The following POT1 variants were observed in gnomAD, a reference collection of about 807,000 sequenced individuals.
POT1 encodes protection of telomeres protein 1.
In POT1, 47 loss-of-function variants were observed where a neutral mutation model predicts 78.5. The observed-to-expected ratio is 0.60, with a 90% CI of 0.47 to 0.76. The LOEUF is 0.76. Among genes scored for constraint, POT1 ranks in the 30% least tolerant of loss-of-function variants. The pLI is 0.00. For synonymous variants in POT1, 259 were observed against 260.7 expected, an observed-to-expected ratio of 0.99 and a Z score of 0.06; for missense variants, 646 against 749.9, an observed-to-expected ratio of 0.86 and a Z score of 1.62.
chr7:124,873,194 T>A (rs1173054989), intron 6 of POT1, among the ~76,000 whole-genome samples: 1 of 152,188 alleles, frequency 6.6e-6, no homozygotes, highest in Non-Finnish European at 1.5e-5. Flanking sequence ...TTTCACTGCC[T>A]GAGCTTTTGA....
chr7:124,824,956 A>G (rs1476864208), intron 18 of POT1, among the ~76,000 whole-genome samples: 1 of 152,184 alleles, frequency 6.6e-6, no homozygotes. Flanking sequence ...CTTTTGGTCT[A>G]ATTTCAACTA....
chr7:124,922,490 A>G (rs1010774324), intron 2 of POT1, among the ~76,000 whole-genome samples: 1 of 152,022 alleles, frequency 6.6e-6, no homozygotes, highest in African/African-American at 2.4e-5. Flanking sequence ...ATGGAATTTC[A>G]CTATTATAAG....
rs577350187 is a variant in POT1 at position 124,855,743 on chromosome 7, C to T, written c.703-2605G>A. Among the ~76,000 whole-genome samples the T allele has an allele frequency of 4.6e-5, 7 of 150,668 alleles. No homozygotes were observed. In the East Asian group the frequency reaches 5.8e-4, roughly 13 times the overall value. ...GACTATCCCTTTAGAAATAATCAAA[C>T]GATTTGTCATAAACGGTCAAGAATT... On this transcript the variant is annotated intron_variant, in intron 9 of 18. Coordinates refer to ENST00000357628, the MANE Select transcript of POT1 (RefSeq NM_015450.3).
At chr7:124,859,572 C>A (rs1166583198) in intron 8 of POT1, among the ~76,000 whole-genome samples, 1 of 151,844 alleles carries the variant, frequency 6.6e-6, no homozygotes, top group African/African-American at 2.4e-5. Flanking sequence ...TGTTTCCATA[C>A]AAAGAAGTAA....
intron 3 of POT1, among the ~76,000 whole-genome samples, chr7:124,906,558 C>T (rs141369698): frequency 0.016 from 2,359 of 152,048 alleles, 30 homozygotes; most frequent in Middle Eastern, 0.041. Context: ...TTAATGGGTG[C>T]AGCACACCAA....
intron 14 of POT1, among the ~76,000 whole-genome samples, chr7:124,836,727 A>G (rs977526064): frequency 2.6e-5 from 4 of 152,204 alleles, no homozygotes; most frequent in African/African-American, 4.8e-5. Context: ...CCCCATTTGC[A>G]AAACTGAGAA....
chr7:124,861,447 G>T (rs1795594740), intron 8 of POT1, among the ~76,000 whole-genome samples: 2 of 152,058 alleles, frequency 1.3e-5, no homozygotes, highest in African/African-American at 4.8e-5. Context: ...CATTTTAATG[G>T]GGTTGTTTTT....
At chr7:124,909,557 C>A (rs1796841156) in intron 3 of POT1, among the ~76,000 whole-genome samples, 3 of 151,682 alleles carry the variant, frequency 2.0e-5, no homozygotes, top group Admixed American at 6.6e-5. Context: ...GGTTTTAAAT[C>A]CAGAAATAAT....
chr7:124,873,576 G>A (rs1285127403), intron 6 of POT1, among the ~76,000 whole-genome samples: 1 of 152,010 alleles, frequency 6.6e-6, no homozygotes. Context: ...TTGTGTCTTT[G>A]TCTGTCTTCA....
intron 3 of POT1, among the ~76,000 whole-genome samples, chr7:124,904,380 A>C (rs1796704532): frequency 6.6e-6 from 1 of 152,190 alleles, no homozygotes; most frequent in Non-Finnish European, 1.5e-5. Flanking sequence ...TATAAACAGA[A>C]ACAAAGACAA....
intron 15 of POT1, among the ~76,000 whole-genome samples, chr7:124,830,524 G>T (rs1794734613): frequency 2.0e-5 from 3 of 151,962 alleles, no homozygotes; most frequent in Admixed American, 2.0e-4. Context: ...CTACGATATT[G>T]ATTAGCATTA....
rs943111303 is a variant in POT1 at position 124,835,994 on chromosome 7, C to G, written c.1370-580G>C. ...GGCATCCATTATTAGAAGGCAGTGT[C>G]CTTTTTACTTAGCTAATAATGCTTC... On this transcript the variant is annotated intron_variant, in intron 14 of 18. Transcript: ENST00000357628. Among the ~76,000 whole-genome samples, 3 of 152,078 alleles carry G rather than the reference C, an allele frequency of 2.0e-5. No individual in the cohort carries two copies. The East Asian group carries it at 5.8e-4, about 29-fold the overall frequency.
intron 14 of POT1, among the ~76,000 whole-genome samples, chr7:124,838,497 C>T (rs965128271): frequency 4.0e-5 from 6 of 151,794 alleles, no homozygotes; most frequent in Non-Finnish European, 5.9e-5. Flanking sequence ...AACTATAAAA[C>T]CCTAGTTAAA....
intron 2 of POT1, among the ~76,000 whole-genome samples, chr7:124,921,918 G>T (rs1223489227): frequency 6.6e-6 from 1 of 151,972 alleles, no homozygotes; most frequent in African/African-American, 2.4e-5. Context: ...CAAATTTGAT[G>T]AAAAATACTG....
intron 2 of POT1, among the ~76,000 whole-genome samples, 170 bp downstream of exon 2, chr7:124,928,645 T>C (rs1168782427): frequency 2.6e-5 from 4 of 152,214 alleles, no homozygotes; most frequent in African/African-American, 9.6e-5. Flanking sequence ...AATTTGATAA[T>C]TGTTCGCTAA....
At chr7:124,919,617 C>T (rs116135233) in intron 2 of POT1, among the ~76,000 whole-genome samples, 157 of 152,120 alleles carry the variant, frequency 1.0e-3, no homozygotes, top group African/African-American at 3.6e-3. Context: ...GTCTCAGGCA[C>T]GTACAGAGAA....
At chr7:124,855,003 ATTAAACT>A (rs985851551) in intron 9 of POT1, among the ~76,000 whole-genome samples, 3 of 151,760 alleles carry the variant, frequency 2.0e-5, no homozygotes, top group African/African-American at 7.2e-5. Flanking sequence ...TTTCCTCCAA[ATTAAACT>A]TTAAATTTTA....
At chr7:124,855,119 T>C (rs1288129347) in intron 9 of POT1, among the ~76,000 whole-genome samples, 1 of 149,144 alleles carries the variant, frequency 6.7e-6, no homozygotes, top group Admixed American at 6.8e-5. Context: ...TTAAAGAATA[T>C]GAGAGGGGGG....
At chr7:124,923,057 A>G (rs571056916) in intron 2 of POT1, among the ~76,000 whole-genome samples, 8 of 152,046 alleles carry the variant, frequency 5.3e-5, no homozygotes, top group Non-Finnish European at 1.0e-4. Flanking sequence ...AGAACAAGCA[A>G]TTGCTACACT....
Sources: gnomAD v4.1 joint callset for allele counts (sites outside exome capture counted in the v4.1 genomes callset) on GRCh38, gnomAD v4.1.1 for gene constraint, MANE v1.5 for transcripts, NCBI Gene and HGNC (gene_info 2026-07-23, HGNC 2026-07-21) for gene names.